Variants in FSIP1 observed in about 807,000 individuals in gnomAD.
FSIP1 encodes fibrous sheath-interacting protein 1.
A neutral mutation model predicts 60.9 loss-of-function variants in FSIP1; 65 were observed. That is an observed-to-expected ratio of 1.07 (90% CI 0.87 to 1.31). FSIP1 has a LOEUF of 1.31. Ranked by LOEUF, FSIP1 falls within the 40% of genes most tolerant of loss-of-function variation. The pLI is 0.00. For synonymous variants in FSIP1, 209 were observed against 221.2 expected (o/e 0.94, Z 0.49); for missense variants, 675 against 665.5 (o/e 1.01, Z -0.16).
chr15:39,726,626 G>T lies in FSIP1; in HGVS notation c.1013C>A (p.Ser338Tyr). 6 of 1,614,080 alleles carry T rather than the reference G, an allele frequency of 3.7e-6. No homozygotes were observed. The highest frequency in any genetic ancestry group is 5.1e-6 in the Non-Finnish European group (6 of 1,180,014). Residue 338 changes from serine to tyrosine, a missense_variant, in exon 9 of 12, where the codon TCC (serine) becomes TAC (tyrosine). Coordinates refer to ENST00000350221, the MANE Select transcript of FSIP1 (RefSeq NM_152597.5). ...ATTTTCAAGTCTTGGAGAAAAACTG[G>T]AAATTGTAGGGGAGGCTGCAGAGAG... is the stretch of plus-strand genomic sequence containing the variant. ...QELSAASPTI[S>Y]SFSPRLENRN...
intron 5 of FSIP1, among the ~76,000 whole-genome samples, chr15:39,756,525 C>T (rs12916159): frequency 0.27 from 41,548 of 151,762 alleles, 6,782 homozygotes; most frequent in Non-Finnish European, 0.38. Flanking sequence ...TTTGTATAGA[C>T]AAGGTCTTGC....
chr15:39,651,809 T>A (rs1441107060), intron 10 of FSIP1, among the ~76,000 whole-genome samples: 1 of 152,242 alleles, frequency 6.6e-6, no homozygotes, highest in Non-Finnish European at 1.5e-5. Flanking sequence ...AGATACAAGT[T>A]GGAAAAGCCC....
chr15:39,739,473 G>A (rs138909148), intron 7 of FSIP1, among the ~76,000 whole-genome samples, 192 bp downstream of exon 7: 1 of 152,294 alleles, frequency 6.6e-6, no homozygotes, highest in East Asian at 1.9e-4. Context: ...GGATAGGATA[G>A]GATGTAGTGG....
intron 10 of FSIP1, among the ~76,000 whole-genome samples, chr15:39,666,838 A>T (rs900103279): frequency 1.3e-5 from 2 of 152,234 alleles, no homozygotes; most frequent in Non-Finnish European, 1.5e-5. Context: ...AGAATTCCAG[A>T]CATTCCATGA....
chr15:39,734,942 G>C (rs1020013292), intron 8 of FSIP1, among the ~76,000 whole-genome samples: 5 of 151,998 alleles, frequency 3.3e-5, no homozygotes, highest in Non-Finnish European at 7.4e-5. Context: ...AGAAAGATGA[G>C]ACATAAATAC....
intron 10 of FSIP1, 84 bp downstream of exon 10, chr15:39,713,360 A>C (rs2140554394): frequency 7.7e-7 from 1 of 1,302,510 alleles, no homozygotes; most frequent in East Asian, 2.5e-5. Context: ...TGAGCCCAGA[A>C]GTTCGAGACC....
At chr15:39,728,915 A>T (rs1896300935) in intron 8 of FSIP1, among the ~76,000 whole-genome samples, 1 of 151,950 alleles carries the variant, frequency 6.6e-6, no homozygotes, top group Non-Finnish European at 1.5e-5. Context: ...ATAAGCAAAG[A>T]GCAAAGTAGG....
chr15:39,684,388 GC>G, intron 10 of FSIP1, among the ~76,000 whole-genome samples: 1 of 152,276 alleles, frequency 6.6e-6, no homozygotes, highest in South Asian at 2.1e-4. Flanking sequence ...TGTGATTCCT[GC>G]CTGTCTCATT....
At chr15:39,757,277 A>C (rs1196146387) in intron 5 of FSIP1, among the ~76,000 whole-genome samples, 3 of 152,166 alleles carry the variant, frequency 2.0e-5, no homozygotes, top group African/African-American at 7.2e-5. Flanking sequence ...GAGTAATGGG[A>C]AATTCATTTC....
At position 39,723,270 on chromosome 15, in the gene FSIP1, C is replaced by A. The variant is rs539587568; in HGVS notation, c.1050+3319G>T. 2.2e-4 allele frequency among the ~76,000 whole-genome samples: 33 copies of A among 152,344 alleles called. No homozygotes were observed. The South Asian group carries it at 4.4e-3, about 20-fold the overall frequency. Reference sequence around the variant, plus strand: ...TTGAAACAGAGTCCCGCTCTGTCCTCCAGGCTGGAGTACAGTGGCGCGATC... The same window carrying A: ...TTGAAACAGAGTCCCGCTCTGTCCTACAGGCTGGAGTACAGTGGCGCGATC... On this transcript the variant is annotated intron_variant, in intron 9 of 11. Transcript: ENST00000350221.
chr15:39,612,487 C>T (rs1891072033), intron 11 of FSIP1, among the ~76,000 whole-genome samples: 1 of 152,026 alleles, frequency 6.6e-6, no homozygotes, highest in Non-Finnish European at 1.5e-5. Flanking sequence ...TAATGGGATG[C>T]TGACAAAAGC....
Position 39,705,979 on chromosome 15 carries a change from C to A in FSIP1, c.1188+7465G>T, listed in dbSNP as rs944784203. The stretch of plus-strand genomic sequence containing the variant: ...TGCCATTGCACTCCAGCCTAGGCAA[C>A]AGAGTGAGACTCGGTCTCAAAAAAA... On this transcript the variant is annotated intron_variant, in intron 10 of 11. Transcript: ENST00000350221. Among the ~76,000 whole-genome samples, 538 of 127,972 alleles carry A rather than the reference C, an allele frequency of 4.2e-3. 5 individuals carry two copies. The highest frequency in any genetic ancestry group is 0.015 in the African/African-American group (516 of 34,238). The allele number at this position is 127,972 out of a possible 152,430, so 84.0% of individuals were successfully genotyped here.
At chr15:39,644,524 G>A (rs372369392) in intron 10 of FSIP1, among the ~76,000 whole-genome samples, 11 of 152,126 alleles carry the variant, frequency 7.2e-5, no homozygotes, top group African/African-American at 2.4e-4. Context: ...TCTGAGACAC[G>A]AGGGGAGAGA....
chr15:39,775,344 C>CA lies in FSIP1; in HGVS notation c.126+1054dup, dbSNP rs535109379. 3.4e-4 allele frequency among the ~76,000 whole-genome samples: 49 copies of CA among 144,980 alleles called. 1 individual carries two copies. Among genetic ancestry groups the CA allele is most frequent in the African/African-American group, 5.8e-4 (23 of 39,660 alleles). On this transcript the variant is annotated intron_variant, in intron 2 of 11. Coordinates refer to ENST00000350221, the MANE Select transcript of FSIP1 (RefSeq NM_152597.5). ...CATAATGCAGAATCTAGTCTACAAA[C>CA]AAAAAAAAAATGAGTATGAATTCAT...
rs114013321 is a variant in FSIP1, at chr15:39,775,944, G to A, written c.126+455C>T. Reference sequence around the variant, plus strand: ...ATACATCACATGGCCTTTACCAAACGGTTTTTTTAAAATACTGAATCTTTT... The same window carrying A: ...ATACATCACATGGCCTTTACCAAACAGTTTTTTTAAAATACTGAATCTTTT... On this transcript the variant is annotated intron_variant, in intron 2 of 11. Transcript: ENST00000350221. Among the ~76,000 whole-genome samples, 837 of 151,522 alleles carry A rather than the reference G, an allele frequency of 5.5e-3. 10 individuals are homozygous for A. Among genetic ancestry groups the A allele is most frequent in the African/African-American group, 0.02 (812 of 41,220 alleles).
At chr15:39,652,639 C>T (rs1033956415) in intron 10 of FSIP1, among the ~76,000 whole-genome samples, 13 of 152,146 alleles carry the variant, frequency 8.5e-5, no homozygotes, top group African/African-American at 3.1e-4. Flanking sequence ...AAAGCAAACA[C>T]AAAGTAATCT....
At chr15:39,732,588 C>T (rs955920069) in intron 8 of FSIP1, among the ~76,000 whole-genome samples, 1 of 125,740 alleles carries the variant, frequency 8.0e-6, no homozygotes, top group Non-Finnish European at 1.5e-5. Context: ...CATTGCACTC[C>T]AGTGTGGGTG....
At chr15:39,753,467 G>A (rs1897222119) in intron 5 of FSIP1, among the ~76,000 whole-genome samples, 1 of 151,898 alleles carries the variant, frequency 6.6e-6, no homozygotes, top group Admixed American at 6.6e-5. Context: ...TATAAATATA[G>A]ATGCAAAAAA....
intron 10 of FSIP1, among the ~76,000 whole-genome samples, chr15:39,659,237 C>T (rs1200514620): frequency 6.6e-6 from 1 of 152,094 alleles, no homozygotes; most frequent in Non-Finnish European, 1.5e-5. Flanking sequence ...GATGTACCCT[C>T]TGTGAGTACA....
Sources: gnomAD v4.1 joint callset for allele counts (sites outside exome capture counted in the v4.1 genomes callset) on GRCh38, gnomAD v4.1.1 for gene constraint, MANE v1.5 for transcripts, NCBI Gene and HGNC (gene_info 2026-07-23, HGNC 2026-07-21) for gene names.